Variants in CLVS1 observed in about 807,000 individuals in gnomAD.
CLVS1 encodes clavesin 1.
A neutral mutation model predicts 33.1 loss-of-function variants in CLVS1; 10 were observed. The ratio of observed to expected loss-of-function variants is 0.30; its 90% CI spans 0.19 to 0.51. The LOEUF is 0.51. Ranked by LOEUF, CLVS1 falls within the 20% of genes least tolerant of loss-of-function variation. The probability of loss-of-function intolerance (pLI) is 0.97; values close to 1 mark genes in which losing one functional copy is unlikely to be tolerated. For missense variants in CLVS1, 343 were observed against 433.4 expected, an observed-to-expected ratio of 0.79 and a Z score of 1.85; for synonymous variants, 163 against 166.1, an observed-to-expected ratio of 0.98 and a Z score of 0.14.
intron 1 of CLVS1, 39 bp downstream of exon 1, chr8:61,288,177 G>C: frequency 2.2e-6 from 1 of 456,276 alleles, no homozygotes; most frequent in Non-Finnish European, 4.4e-6. Context: ...TATTTGCCGA[G>C]CCTCCCCGCC....
chr8:61,204,723 C>T lies in CLVS1; in HGVS notation c.-152+72863C>T, dbSNP rs528664820. Among the ~76,000 whole-genome samples, 177 of 152,316 alleles carry T rather than the reference C, an allele frequency of 1.2e-3. 1 individual carries two copies. Among genetic ancestry groups the T allele is most frequent in the Middle Eastern group, 3.4e-3 (1 of 294 alleles). ...GATTACACTATAAATGGGAATCCAG[C>T]TTCATTAAGCTCTCACAGGTCAGGT... On this transcript the variant is annotated intron_variant, in intron 2 of 2. Transcript: ENST00000522621.
At chr8:61,225,015 A>G (rs1212312549) in intron 2 of CLVS1, among the ~76,000 whole-genome samples, 3 of 152,202 alleles carry the variant, frequency 2.0e-5, no homozygotes, top group Non-Finnish European at 4.4e-5. Flanking sequence ...TGGAAAATGG[A>G]AATTTAAAAA....
chr8:61,495,686 A>C (rs953114560), intron 5 of CLVS1, among the ~76,000 whole-genome samples: 51 of 152,246 alleles, frequency 3.3e-4, no homozygotes, highest in African/African-American at 1.2e-3. Flanking sequence ...GTGTAAATAC[A>C]GCCAGATTTC....
chr8:61,058,727 C>T (rs968806734), intron 1 of CLVS1, among the ~76,000 whole-genome samples: 2 of 152,240 alleles, frequency 1.3e-5, no homozygotes, highest in Middle Eastern at 6.8e-3. Flanking sequence ...CTTGTCCCTT[C>T]TTTGATCTGT....
chr8:61,099,176 A>G (rs1043956498), intron 1 of CLVS1, among the ~76,000 whole-genome samples: 1 of 152,206 alleles, frequency 6.6e-6, no homozygotes, highest in Non-Finnish European at 1.5e-5. Context: ...TTTCACTTGA[A>G]TGCAGGCTAG....
Position 61,152,300 on chromosome 8 carries a change from A to G in CLVS1, c.-152+20440A>G, listed in dbSNP as rs75616578. ...CTCTTGTATCTCTTCTTGTATGGGCATGGATCCCATCATTAGGGCCCTACC... is the reference window on the plus strand; with the variant it reads ...CTCTTGTATCTCTTCTTGTATGGGCGTGGATCCCATCATTAGGGCCCTACC... On this transcript the variant is annotated intron_variant, in intron 2 of 2. Coordinates refer to the CLVS1 transcript ENST00000522621. Among the ~76,000 whole-genome samples the G allele has an allele frequency of 3.7e-3, 571 of 152,296 alleles. 6 individuals carry two copies. Among genetic ancestry groups the G allele is most frequent in the African/African-American group, 0.013 (538 of 41,556 alleles).
At chr8:60,994,798 C>G in the CLVS1 span, among the ~76,000 whole-genome samples, 1 of 152,140 alleles carries the variant, frequency 6.6e-6, no homozygotes, top group East Asian at 1.9e-4. Context: ...CAGCATGGTA[C>G]TGGTACCAAA....
intron 2 of CLVS1, among the ~76,000 whole-genome samples, chr8:61,181,707 T>TG (rs1371952758): frequency 0.019 from 2,771 of 142,338 alleles, 108 homozygotes; most frequent in African/African-American, 0.067. Context: ...CTTTTTTTTT[T>TG]TTTTTTTTTT....
At chr8:61,253,863 G>T (rs193075439) in intron 2 of CLVS1, among the ~76,000 whole-genome samples, 1 of 152,212 alleles carries the variant, frequency 6.6e-6, no homozygotes, top group Non-Finnish European at 1.5e-5. Context: ...CCATGGGTTC[G>T]AACTTCCTTC....
chr8:61,284,509 T>C (rs1447197185), upstream of CLVS1, among the ~76,000 whole-genome samples: 1 of 152,244 alleles, frequency 6.6e-6, no homozygotes, highest in Non-Finnish European at 1.5e-5. Context: ...CTATTATGTG[T>C]CAATCATACA....
chr8:61,318,451 C>T (rs992106288), intron 2 of CLVS1, among the ~76,000 whole-genome samples: 2 of 152,116 alleles, frequency 1.3e-5, no homozygotes, highest in Non-Finnish European at 2.9e-5. Context: ...TTTCAAGGAC[C>T]TGAAGTACTC....
intron 3 of CLVS1, chr8:61,378,145 T>A: frequency 6.6e-6 from 1 of 152,240 alleles, no homozygotes. Context: ...ATGCTGACCA[T>A]ATCTCTAGGA....
At chr8:61,337,407 T>TTGGTTCC (rs1249444318) in intron 2 of CLVS1, among the ~76,000 whole-genome samples, 1 of 152,182 alleles carries the variant, frequency 6.6e-6, no homozygotes, top group African/African-American at 2.4e-5. Flanking sequence ...AGCCTAGTTC[T>TTGGTTCC]TGGTTCCTGG....
chr8:61,093,505 C>CATTTT (rs1234213967), intron 1 of CLVS1, among the ~76,000 whole-genome samples: 1 of 151,920 alleles, frequency 6.6e-6, no homozygotes, highest in Admixed American at 6.6e-5. Context: ...CCCCAAAAGT[C>CATTTT]ATTTTCCTGT....
the CLVS1 span, among the ~76,000 whole-genome samples, chr8:60,990,222 G>A: frequency 6.6e-6 from 1 of 151,756 alleles, no homozygotes; most frequent in South Asian, 2.1e-4. Flanking sequence ...TATCATCGGT[G>A]GATTTGTGTG....
chr8:61,148,033 T>C (rs1806453786), intron 2 of CLVS1, among the ~76,000 whole-genome samples: 1 of 152,186 alleles, frequency 6.6e-6, no homozygotes, highest in South Asian at 2.1e-4. Flanking sequence ...AGAACATAGT[T>C]TTAAACGGGA....
intron 1 of CLVS1, among the ~76,000 whole-genome samples, chr8:61,062,367 G>A (rs763953754): frequency 2.6e-5 from 4 of 152,190 alleles, no homozygotes; most frequent in Non-Finnish European, 4.4e-5. Context: ...TAGAGACAGG[G>A]TTACTTACTG....
At chr8:61,202,388 G>A in intron 2 of CLVS1, 1 of 757,026 alleles carries the variant, frequency 1.3e-6, no homozygotes, top group African/African-American at 1.7e-5. Context: ...AGCTCCCTGA[G>A]GCCCCAGAAC....
chr8:61,272,588 C>T (rs1006651513), intron 2 of CLVS1, among the ~76,000 whole-genome samples: 10 of 152,106 alleles, frequency 6.6e-5, no homozygotes, highest in Admixed American at 6.5e-5. Flanking sequence ...CTGCAGAGTG[C>T]TTTCCAACTT....
Sources: gnomAD v4.1 joint callset for allele counts (sites outside exome capture counted in the v4.1 genomes callset) on GRCh38, gnomAD v4.1.1 for gene constraint, MANE v1.5 for transcripts, NCBI Gene and HGNC (gene_info 2026-07-23, HGNC 2026-07-21) for gene names.